The following NUP160 variants were observed in gnomAD, a reference collection of about 807,000 sequenced individuals.
NUP160 encodes nuclear pore complex protein Nup160.
NUP160 carries 94 observed loss-of-function variants against 196.9 expected under a neutral mutation model. The ratio of observed to expected loss-of-function variants is 0.48; its 90% confidence interval spans 0.40 to 0.57. NUP160 has a LOEUF of 0.57. Ranked by LOEUF, NUP160 falls within the 20% of genes least tolerant of loss-of-function variation. The probability of loss-of-function intolerance (pLI) is 0.00; values close to 1 mark genes in which losing one functional copy is unlikely to be tolerated. For missense variants in NUP160, 1,638 were observed against 1,748.3 expected, an observed-to-expected ratio of 0.94 and a Z score of 1.13; for synonymous variants, 605 against 619.7, an observed-to-expected ratio of 0.98 and a Z score of 0.35.
chr11:47,813,223 G>T, intron 14 of NUP160, 93 bp downstream of exon 14: 1 of 1,070,332 alleles, frequency 9.3e-7, no homozygotes, highest in Non-Finnish European at 1.4e-6. Flanking sequence ...ACCAAGACAG[G>T]TGTGGCAATC....
chr11:47,844,569 C>A (rs777364833), intron 2 of NUP160, among the ~76,000 whole-genome samples: 10 of 152,088 alleles, frequency 6.6e-5, no homozygotes, highest in African/African-American at 1.2e-4. Flanking sequence ...ATACTCATTC[C>A]CCAGATATCC....
chr11:47,819,756 T>C (rs767914233), intron 9 of NUP160, among the ~76,000 whole-genome samples: 33 of 152,206 alleles, frequency 2.2e-4, no homozygotes, highest in Non-Finnish European at 4.4e-4. Flanking sequence ...AGGCATCAAA[T>C]ACAAAGAATA....
intron 22 of NUP160, among the ~76,000 whole-genome samples, chr11:47,802,176 T>C (rs930952535): frequency 4.6e-5 from 7 of 152,214 alleles, no homozygotes; most frequent in African/African-American, 1.7e-4. Context: ...CTCACGCCTG[T>C]AATCCCAGCA....
exon 1 of NUP160, chr11:47,848,294 G>A (rs772355663): frequency 1.4e-5 from 22 of 1,613,992 alleles, no homozygotes; most frequent in Admixed American, 3.3e-5. Flanking sequence ...ACGAAGCTCC[G>A]TTCCAGGGCT....
exon 36 of NUP160, chr11:47,779,020 T>C (rs1000861394): frequency 1.1e-6 from 1 of 885,700 alleles, no homozygotes; most frequent in African/African-American, 1.6e-5. Context: ...GTTACAAAAA[T>C]CGGCCTTGAG....
chr11:47,819,775 T>C (rs58072389), intron 9 of NUP160, among the ~76,000 whole-genome samples: 3,094 of 152,310 alleles, frequency 0.02, 67 homozygotes, highest in African/African-American at 0.059. Flanking sequence ...TAACTAACTT[T>C]TATTCTGCAT....
At chr11:47,824,173 A>G (rs1851922645) in intron 7 of NUP160, among the ~76,000 whole-genome samples, 1 of 151,464 alleles carries the variant, frequency 6.6e-6, no homozygotes, top group Non-Finnish European at 1.5e-5. Flanking sequence ...CTAGCAATGT[A>G]CAAGAGTTCT....
intron 22 of NUP160, 136 bp downstream of exon 22, chr11:47,803,302 G>C: frequency 1.6e-6 from 1 of 614,208 alleles, no homozygotes; most frequent in Non-Finnish European, 2.9e-6. Flanking sequence ...CCTTTGACTG[G>C]CATTAGTACA....
At chr11:47,783,547 G>C (rs2097662732) in intron 33 of NUP160, among the ~76,000 whole-genome samples, 1 of 152,090 alleles carries the variant, frequency 6.6e-6, no homozygotes, top group Admixed American at 6.6e-5. Context: ...ACACTAAAGT[G>C]ACAATATATT....
intron 7 of NUP160, among the ~76,000 whole-genome samples, chr11:47,831,189 A>C (rs750762587): frequency 6.9e-5 from 10 of 145,982 alleles, no homozygotes; most frequent in South Asian, 2.3e-4. Context: ...ACAACAACAA[A>C]AAAGCAAATG....
chr11:47,821,676 T>G, intron 9 of NUP160, 48 bp downstream of exon 9: 138 of 1,400,050 alleles, frequency 9.9e-5, no homozygotes, highest in Non-Finnish European at 1.3e-4. Context: ...CTTCTTAGCA[T>G]GAAATTGCTT....
chr11:47,838,125 G>A (rs1399288403), intron 4 of NUP160, among the ~76,000 whole-genome samples: 3 of 152,128 alleles, frequency 2.0e-5, no homozygotes, highest in Admixed American at 6.6e-5. Context: ...GGGCAGGCAG[G>A]GGCACTGCAA....
Position 47,807,145 on chromosome 11 carries a change from G to C in NUP160, c.2376-5C>G. ...AAGTGTTGGAGATTAGACTCCCTGT[G>C]AGAAAAGGGGAAAAGACAGCTTAGT... On this transcript the variant is annotated splice_region_variant and splice_polypyrimidine_tract_variant and intron_variant, in intron 18 of 35. Transcript: ENST00000378460. 6.3e-7 allele frequency: 1 copy of C among 1,594,348 alleles called. No individual in the cohort carries two copies. Among genetic ancestry groups the C allele is most frequent in the Non-Finnish European group, 8.6e-7 (1 of 1,162,830 alleles).
intron 27 of NUP160, 83 bp downstream of exon 27, chr11:47,797,696 T>C: frequency 1.1e-6 from 1 of 929,436 alleles, no homozygotes; most frequent in East Asian, 2.4e-5. Flanking sequence ...AAAAATTACC[T>C]AAGTCCAACA....
intron 10 of NUP160, among the ~76,000 whole-genome samples, chr11:47,818,871 T>C (rs1300543646): frequency 6.6e-6 from 1 of 152,194 alleles, no homozygotes; most frequent in Admixed American, 6.5e-5. Flanking sequence ...AAGAGTGCAG[T>C]AATATTCAAT....
exon 1 of NUP160, chr11:47,848,329 T>A: frequency 6.2e-7 from 1 of 1,613,660 alleles, no homozygotes; most frequent in South Asian, 1.1e-5. Flanking sequence ...CTTCCCGCCG[T>A]CGCCGCGACG....
intron 2 of NUP160, among the ~76,000 whole-genome samples, chr11:47,843,370 C>A (rs1852342325): frequency 6.6e-6 from 1 of 152,200 alleles, no homozygotes; most frequent in Non-Finnish European, 1.5e-5. Flanking sequence ...TTAAATGCAA[C>A]ACTGACAGGT....
chr11:47,836,966 A>G, exon 6 of NUP160: 1 of 1,613,856 alleles, frequency 6.2e-7, no homozygotes, highest in Non-Finnish European at 8.5e-7. Context: ...ATGAACAGCA[A>G]GACTGAGGGG....
Position 47,786,449 on chromosome 11 carries a change from G to A in NUP160, c.3848+4C>T, listed in dbSNP as rs769725627. 7 of 1,601,312 alleles carry A rather than the reference G, an allele frequency of 4.4e-6. No homozygotes were observed. The South Asian group carries it at 7.7e-5, about 18-fold the overall frequency. On this transcript the variant is annotated splice_donor_region_variant and intron_variant, in intron 32 of 35. Coordinates refer to ENST00000378460, the Ensembl canonical transcript of NUP160. The stretch of plus-strand genomic sequence containing the variant: ...CTACCCAGGGTTGAACACCAGGGTT[G>A]TACCTAGACTCCTTAGTAGTGATGA...
Sources: gnomAD v4.1 joint callset for allele counts (sites outside exome capture counted in the v4.1 genomes callset) on GRCh38, gnomAD v4.1.1 for gene constraint, MANE v1.5 for transcripts, NCBI Gene and HGNC (gene_info 2026-07-23, HGNC 2026-07-21) for gene names.